DNAJC17: variants seen among roughly 807,000 people sequenced by gnomAD.
DNAJC17 encodes the protein dnaJ homolog subfamily C member 17.
DNAJC17 carries 35 observed loss-of-function variants against 48.1 expected under a neutral mutation model. The observed-to-expected ratio is 0.73, with a 90% CI of 0.56 to 0.96. DNAJC17 has a LOEUF of 0.96. Ranked by LOEUF, DNAJC17 falls within the 50% of genes least tolerant of loss-of-function variation. DNAJC17 has a pLI of 0.00. For missense variants in DNAJC17, 355 were observed against 377.1 expected, an observed-to-expected ratio of 0.94 and a Z score of 0.48; for synonymous variants, 117 against 142.7, an observed-to-expected ratio of 0.82 and a Z score of 1.28.
intron 7 of DNAJC17, 166 bp downstream of exon 7, chr15:40,775,387 G>A (rs1271061932): frequency 2.6e-5 from 22 of 843,706 alleles, no homozygotes; most frequent in Admixed American, 4.3e-5. Flanking sequence ...TTCGTGGCAA[G>A]CTCTGATCTC....
In DNAJC17 at chr15:40,776,306, G is replaced by T; in HGVS notation, c.382-14C>A. Reference sequence around the variant, plus strand: ...CAGGCGTTCGATCTGCAGAGCAGGGGGTGGGGGTGACAATTCTGTGCAGGT... The same window carrying T: ...CAGGCGTTCGATCTGCAGAGCAGGGTGTGGGGGTGACAATTCTGTGCAGGT... On this transcript the variant is annotated splice_polypyrimidine_tract_variant and intron_variant, in intron 5 of 10. Transcript: ENST00000220496. 1.9e-6 allele frequency: 3 copies of T among 1,612,594 alleles called. No individual in the cohort carries two copies. Among genetic ancestry groups the T allele is most frequent in the Non-Finnish European group, 2.5e-6 (3 of 1,179,152 alleles).
At chr15:40,791,532 C>A (rs1889805731) in intron 1 of DNAJC17, among the ~76,000 whole-genome samples, 1 of 149,678 alleles carries the variant, frequency 6.7e-6, no homozygotes, top group Admixed American at 6.7e-5. Context: ...TCTCAAAAAA[C>A]TAAAATAAAA....
At chr15:40,781,738 G>A (rs917091427) in intron 1 of DNAJC17, among the ~76,000 whole-genome samples, 14 of 150,312 alleles carry the variant, frequency 9.3e-5, no homozygotes, top group South Asian at 4.2e-4. Flanking sequence ...CGGCTAACAC[G>A]GTGAAACCCC....
chr15:40,773,974 T>C (rs764324309), intron 9 of DNAJC17, 137 bp from the exon 10 acceptor site: 1 of 772,350 alleles, frequency 1.3e-6, no homozygotes, highest in Non-Finnish European at 2.1e-6. Flanking sequence ...CTTCAAGTGA[T>C]GGGTGTTAAC....
At chr15:40,772,555 A>ATC (rs1889180509) in intron 10 of DNAJC17, 1 of 156,406 alleles carries the variant, frequency 6.4e-6, no homozygotes, top group Non-Finnish European at 1.5e-5. Context: ...GTTTCCCTCC[A>ATC]TCCAGGATCT....
chr15:40,770,997 C>T lies in DNAJC17; in HGVS notation c.792+2730G>A. On this transcript the variant is annotated intron_variant, in intron 10 of 10. Transcript: ENST00000220496. This position sits in a 1 kb window ranked among gnomAD's most constrained non-coding sequence, Gnocchi z 5.0. ...GGAAGTTCTGCAGATGCTAAGGGAG[C>T]AGTTTCCTAGCGAGCCCAGCTTCTA... 6.4e-7 allele frequency: 1 copy of T among 1,550,982 alleles called. No individual in the cohort carries two copies. The highest frequency in any genetic ancestry group is 8.7e-7 in the Non-Finnish European group (1 of 1,146,950).
chr15:40,801,145 T>C (rs1890064010), intron 1 of DNAJC17, among the ~76,000 whole-genome samples: 1 of 152,132 alleles, frequency 6.6e-6, no homozygotes, highest in African/African-American at 2.4e-5. Flanking sequence ...CAAATACTTA[T>C]TGAGAACCTA....
chr15:40,800,610 T>A (rs1321618589), intron 1 of DNAJC17, among the ~76,000 whole-genome samples: 2 of 151,502 alleles, frequency 1.3e-5, no homozygotes, highest in African/African-American at 2.4e-5. Context: ...AACCGAGTTG[T>A]TTTTTTGGTT....
chr15:40,778,454 T>A (rs1408568202), intron 4 of DNAJC17, among the ~76,000 whole-genome samples: 4 of 151,974 alleles, frequency 2.6e-5, no homozygotes, highest in African/African-American at 9.7e-5. Flanking sequence ...GGTTTCACCA[T>A]CTTGGCCAGG....
At chr15:40,793,346 A>G (rs1000058877) in intron 1 of DNAJC17, among the ~76,000 whole-genome samples, 4 of 152,060 alleles carry the variant, frequency 2.6e-5, no homozygotes, top group African/African-American at 9.7e-5. Context: ...CTCAGCGTTC[A>G]CTGAGTATAT....
chr15:40,781,933 A>T (rs7171885), intron 1 of DNAJC17, among the ~76,000 whole-genome samples: 69,682 of 151,340 alleles, frequency 0.46, 16,210 homozygotes, highest in Middle Eastern at 0.59. Flanking sequence ...AAAAAAAAAA[A>T]TTTTTTTTTG....
intron 1 of DNAJC17, 122 bp from the exon 2 acceptor site, chr15:40,780,119 T>C (rs1185907761): frequency 1.1e-6 from 1 of 933,806 alleles, no homozygotes; most frequent in Admixed American, 2.0e-5. Context: ...TGGCGCCCAC[T>C]TCCTAGCCAC....
chr15:40,776,574 C>T lies in DNAJC17; in HGVS notation c.349G>A (p.Glu117Lys), dbSNP rs1437431864. The part of the protein sequence containing the change: ...AQAQESEEEE[E>K]SRSTRTLEQE... ...TCTAGTGTCCTGGTGCTCCGGCTCTCCTCTTCCTCCTCACTCTCCTGGGCC... is the reference window on the plus strand; with the variant it reads ...TCTAGTGTCCTGGTGCTCCGGCTCTTCTCTTCCTCCTCACTCTCCTGGGCC... The change falls in exon 5 of 11, where the codon GAG becomes AAG. Residue 117 changes from glutamate (E) to lysine (K), a missense_variant. Transcript: ENST00000220496. The T allele has an allele frequency of 8.1e-6, 13 of 1,614,080 alleles. No individual in the cohort carries two copies. Among genetic ancestry groups the T allele is most frequent in the Non-Finnish European group, 1.1e-5 (13 of 1,180,018 alleles).
intron 1 of DNAJC17, among the ~76,000 whole-genome samples, chr15:40,784,416 A>G (rs887798245): frequency 6.6e-6 from 1 of 152,208 alleles, no homozygotes; most frequent in African/African-American, 2.4e-5. Context: ...ATAGGAAAAT[A>G]AAATTATTCA....
At chr15:40,775,511 G>C in intron 7 of DNAJC17, 42 bp downstream of exon 7, 1 of 1,605,444 alleles carries the variant, frequency 6.2e-7, no homozygotes, top group Non-Finnish European at 8.5e-7. Context: ...GAGGGGAGGC[G>C]GTGTGAGTGT....
rs754374467 is a variant in DNAJC17 at position 40,807,422 on chromosome 15, G to C, written c.25C>G (p.Gln9Glu). The C allele has an allele frequency of 1.9e-6, 3 of 1,614,272 alleles. No homozygotes were observed. The East Asian group carries it at 6.7e-5, about 36-fold the overall frequency. MAVTKELL[Q>E]MDLYALLGIE... The stretch of plus-strand genomic sequence containing the variant: ...CCTAGCAGCGCGTACAGGTCCATCT[G>C]TAAGAGCTCCTTGGTCACTGCCATG... Residue 9 changes from glutamine to glutamate, a missense_variant, in exon 1 of 11, where the codon CAG becomes GAG. By Grantham distance (29) the Gln-to-Glu change is conservative (BLOSUM62 2). Coordinates refer to ENST00000220496, the MANE Select transcript of DNAJC17 (RefSeq NM_018163.3).
At chr15:40,800,118 C>T (rs57825040) in intron 1 of DNAJC17, among the ~76,000 whole-genome samples, 4 of 151,822 alleles carry the variant, frequency 2.6e-5, no homozygotes, top group Non-Finnish European at 5.9e-5. Flanking sequence ...CATCACCCAG[C>T]CTGGAGTGCA....
At chr15:40,779,484 T>G in intron 3 of DNAJC17, 61 bp downstream of exon 3, 1 of 1,605,924 alleles carries the variant, frequency 6.2e-7, no homozygotes, top group Non-Finnish European at 8.5e-7. Context: ...GGACCGAGGT[T>G]GAGAGGCAGC....
At chr15:40,801,625 C>A (rs532431609) in intron 1 of DNAJC17, among the ~76,000 whole-genome samples, 1 of 151,262 alleles carries the variant, frequency 6.6e-6, no homozygotes, top group African/African-American at 2.4e-5. Flanking sequence ...TGGTGGCGGG[C>A]GCCTGTAGTC....
Sources: gnomAD v4.1 joint callset for allele counts (sites outside exome capture counted in the v4.1 genomes callset) on GRCh38, gnomAD v4.1.1 for gene constraint, Gnocchi (gnomAD v3.1) non-coding constraint, MANE v1.5 for transcripts, NCBI Gene and HGNC (gene_info 2026-07-23, HGNC 2026-07-21) for gene names.